Variants in PLCB1 observed in about 807,000 individuals in gnomAD.
PLCB1 encodes 1-phosphatidylinositol 4,5-bisphosphate phosphodiesterase beta-1.
Under a neutral mutation model 161.8 loss-of-function variants are expected in PLCB1, and 46 were observed. The ratio of observed to expected loss-of-function variants is 0.28; its 90% CI spans 0.22 to 0.36. PLCB1 has a LOEUF of 0.36. Among genes scored for constraint, PLCB1 ranks in the 10% least tolerant of loss-of-function variants. PLCB1 has a pLI of 1.00. For missense variants in PLCB1, 1,016 were observed against 1,472.5 expected, an observed-to-expected ratio of 0.69 and a Z score of 5.07; for synonymous variants, 517 against 503.7, an observed-to-expected ratio of 1.03 and a Z score of -0.35.
At chr20:8,618,942 TAAAAC>T (rs1278892839) in intron 3 of PLCB1, among the ~76,000 whole-genome samples, 2 of 152,254 alleles carry the variant, frequency 1.3e-5, no homozygotes, top group Non-Finnish European at 2.9e-5. Context: ...GGTATATAAA[TAAAAC>T]AAAGGAAATA....
rs902416557 is a variant in PLCB1 at position 8,551,812 on chromosome 20, C to T, written c.247-76482C>T. On this transcript the variant is annotated intron_variant, in intron 3 of 31. Coordinates refer to ENST00000338037, the MANE Select transcript of PLCB1 (RefSeq NM_015192.4). ...CTTCTACCCGTATTTTCTCTGATCA[C>T]CTCCCAAATAAACTATTTCTCTAGA... 1.3e-4 allele frequency among the ~76,000 whole-genome samples: 20 copies of T among 152,144 alleles called. No individual in the cohort carries two copies. The South Asian group carries it at 2.3e-3, about 17-fold the overall frequency.
At chr20:8,855,950 A>G (rs1270122067) in intron 31 of PLCB1, among the ~76,000 whole-genome samples, 1 of 152,100 alleles carries the variant, frequency 6.6e-6, no homozygotes, top group Admixed American at 6.5e-5. Flanking sequence ...ACATTTTGAA[A>G]ATTGGATGAA....
At chr20:8,671,104 G>A (rs755514718) in intron 9 of PLCB1, among the ~76,000 whole-genome samples, 12 of 152,154 alleles carry the variant, frequency 7.9e-5, no homozygotes, top group Non-Finnish European at 1.5e-4. Context: ...TTGGCATTTG[G>A]CACAGTAGAA....
intron 2 of PLCB1, among the ~76,000 whole-genome samples, chr20:8,192,832 T>C (rs1347421257): frequency 6.6e-6 from 1 of 151,764 alleles, no homozygotes; most frequent in East Asian, 1.9e-4. Context: ...TGGCCAAATA[T>C]GGAGGGGGGC....
At chr20:8,652,290 A>G (rs1353474602) in intron 7 of PLCB1, 2 of 152,152 alleles carry the variant, frequency 1.3e-5, no homozygotes, top group Non-Finnish European at 2.9e-5. Flanking sequence ...GAAGTTGGAG[A>G]AAACTTTAAA....
chr20:8,750,624 G>A (rs1339015053), intron 23 of PLCB1, among the ~76,000 whole-genome samples: 1 of 152,142 alleles, frequency 6.6e-6, no homozygotes, highest in Non-Finnish European at 1.5e-5. Context: ...GCATACAGCA[G>A]GACAAAGTTT....
rs533866960 is a variant in PLCB1 at position 8,740,812 on chromosome 20, T to C, written c.2413+364T>C. ...TTAGAATGCTGATTCTTTTCATGGGTGACATCCTAAATTTAAGGAATTAAC... is the reference window on the plus strand; with the variant it reads ...TTAGAATGCTGATTCTTTTCATGGGCGACATCCTAAATTTAAGGAATTAAC... On this transcript the variant is annotated intron_variant, in intron 22 of 31. Transcript: ENST00000338037. 9.9e-5 allele frequency among the ~76,000 whole-genome samples: 15 copies of C among 152,240 alleles called. No individual in the cohort carries two copies. In the South Asian group the frequency reaches 3.1e-3, roughly 32 times the overall value.
chr20:8,823,266 G>A (rs1292189879), intron 31 of PLCB1, among the ~76,000 whole-genome samples: 1 of 152,210 alleles, frequency 6.6e-6, no homozygotes, highest in Admixed American at 6.5e-5. Flanking sequence ...GAGATTACAG[G>A]CATGCGCCAC....
chr20:8,245,918 A>T (rs1037175204), intron 2 of PLCB1, among the ~76,000 whole-genome samples: 1 of 152,084 alleles, frequency 6.6e-6, no homozygotes, highest in East Asian at 1.9e-4. Flanking sequence ...AAAAATTGAA[A>T]TAATTTTCAC....
intron 9 of PLCB1, among the ~76,000 whole-genome samples, chr20:8,683,653 G>T (rs1179533082): frequency 1.3e-5 from 2 of 152,006 alleles, no homozygotes; most frequent in Non-Finnish European, 2.9e-5. Flanking sequence ...AAAGAATTTT[G>T]TCAATATTTA....
intron 29 of PLCB1, among the ~76,000 whole-genome samples, chr20:8,789,302 A>T (rs3803944): frequency 2.0e-5 from 3 of 152,076 alleles, no homozygotes; most frequent in African/African-American, 7.2e-5. Context: ...TGGCTTCAGC[A>T]TGGGAGGTCA....
chr20:8,297,727 C>T (rs997971974), intron 2 of PLCB1, among the ~76,000 whole-genome samples: 1 of 152,030 alleles, frequency 6.6e-6, no homozygotes, highest in Non-Finnish European at 1.5e-5. Context: ...TTAGAAATAA[C>T]AGCAGGGCAT....
At chr20:8,446,330 C>G (rs974415317) in intron 3 of PLCB1, among the ~76,000 whole-genome samples, 9 of 152,234 alleles carry the variant, frequency 5.9e-5, no homozygotes, top group African/African-American at 1.9e-4. Flanking sequence ...TCAATAGATG[C>G]AGAAAAGCCC....
At chr20:8,547,818 T>C (rs116229700) in intron 3 of PLCB1, among the ~76,000 whole-genome samples, 1 of 152,340 alleles carries the variant, frequency 6.6e-6, no homozygotes, top group African/African-American at 2.4e-5. Context: ...TTGCTTTTAG[T>C]ATAAATATCA....
chr20:8,736,021 C>T (rs1283668519), intron 19 of PLCB1, among the ~76,000 whole-genome samples: 1 of 152,182 alleles, frequency 6.6e-6, no homozygotes, highest in Non-Finnish European at 1.5e-5. Context: ...TCCCCTTTCA[C>T]AATCTTGAGC....
intron 31 of PLCB1, among the ~76,000 whole-genome samples, chr20:8,839,759 G>A (rs1022237823): frequency 4.1e-5 from 6 of 146,124 alleles, no homozygotes; most frequent in African/African-American, 1.5e-4. Context: ...AAAAGCCTTG[G>A]CCAGGTGCGG....
intron 3 of PLCB1, among the ~76,000 whole-genome samples, chr20:8,609,908 C>T (rs1987858370): frequency 6.6e-6 from 1 of 152,128 alleles, no homozygotes; most frequent in Admixed American, 6.5e-5. Flanking sequence ...TGTATTTGCA[C>T]ACCAATAAAT....
At position 8,774,414 on chromosome 20, in the gene PLCB1, A is replaced by T. The variant is rs1442284837; in HGVS notation, c.2931-125A>T. ...CCTTGGGGTCTCACCCTCTACCCCA[A>T]GTGGCTTATGAAAATATGTATTTCC... On this transcript the variant is annotated intron_variant, in intron 26 of 31. Transcript: ENST00000338037. 5 of 885,236 alleles carry T rather than the reference A, an allele frequency of 5.6e-6. No homozygotes were observed. In the South Asian group the frequency reaches 5.8e-5, roughly 10 times the overall value. 54.8% of individuals were successfully genotyped at this position (885,236 alleles called of 1,614,324 possible).
chr20:8,482,092 ATTTTT>A (rs199634903), intron 3 of PLCB1, among the ~76,000 whole-genome samples: 51 of 104,860 alleles, frequency 4.9e-4, no homozygotes, highest in African/African-American at 2.2e-3. Flanking sequence ...GCTTGAAGGA[ATTTTT>A]TTTTTTTTTT....
Sources: allele counts gnomAD v4.1 joint callset (sites outside exome capture counted in the v4.1 genomes callset), GRCh38; gene constraint gnomAD v4.1.1; transcripts MANE v1.5; gene names NCBI Gene and HGNC (gene_info 2026-07-23, HGNC 2026-07-21).